Variants in TULP4 observed in about 807,000 individuals in gnomAD.
TULP4 encodes the protein TUB like protein 4, also known as tubby-related protein 4.
In TULP4, 16 loss-of-function variants were observed where a neutral mutation model predicts 129.0. That is an observed-to-expected ratio of 0.12 (90% CI 0.08 to 0.19). The LOEUF is 0.19. Among genes scored for constraint, TULP4 ranks in the 10% least tolerant of loss-of-function variants. The pLI, the probability that TULP4 is intolerant of heterozygous loss-of-function variation, is 1.00. For missense variants in TULP4, 1,842 were observed against 2,059.1 expected, an observed-to-expected ratio of 0.89 and a Z score of 2.04; for synonymous variants, 998 against 854.0, an observed-to-expected ratio of 1.17 and a Z score of -2.94.
chr6:158,345,941 A>G (rs1226187179), intron 1 of TULP4, among the ~76,000 whole-genome samples: 1 of 152,166 alleles, frequency 6.6e-6, no homozygotes, highest in African/African-American at 2.4e-5. Flanking sequence ...CAGGAATGCA[A>G]TCCTTTTCCC....
At chr6:158,489,806 G>T in intron 9 of TULP4, 74 bp downstream of exon 9, 3 of 1,568,488 alleles carry the variant, frequency 1.9e-6, no homozygotes, top group East Asian at 2.3e-5. Flanking sequence ...CAACAGAATC[G>T]CATTGAAACT....
At chr6:158,431,238 C>T (rs545915518) in intron 3 of TULP4, among the ~76,000 whole-genome samples, 1 of 152,212 alleles carries the variant, frequency 6.6e-6, no homozygotes, top group Admixed American at 6.5e-5. Flanking sequence ...CTGATCTTTC[C>T]TGTATCAGTT....
At chr6:158,357,664 C>T (rs1780679431) in intron 1 of TULP4, among the ~76,000 whole-genome samples, 1 of 152,180 alleles carries the variant, frequency 6.6e-6, no homozygotes, top group Non-Finnish European at 1.5e-5. Flanking sequence ...TGAAGTGTTC[C>T]TCTGATGCCG....
chr6:158,448,980 C>G lies in TULP4; in HGVS notation c.544-16C>G, dbSNP rs755126614. On this transcript the variant is annotated splice_polypyrimidine_tract_variant and intron_variant, in intron 3 of 13. Transcript: ENST00000367097. ...CTTGCTGCCACTTGGTCAGAGGTCC[C>G]CATCCTGGATTGCAGGTGCTGTTTG... is the stretch of plus-strand genomic sequence containing the variant. The G allele has an allele frequency of 6.3e-7, 1 of 1,593,456 alleles. No homozygotes were observed.
intron 2 of TULP4, among the ~76,000 whole-genome samples, chr6:158,426,805 T>C (rs1778505144): frequency 6.6e-6 from 1 of 152,232 alleles, no homozygotes; most frequent in Admixed American, 6.5e-5. Flanking sequence ...GTAAACTGTT[T>C]TGGGTAGTAT....
chr6:158,266,881 G>A (rs1428534354), intron 1 of TULP4, among the ~76,000 whole-genome samples: 4 of 152,216 alleles, frequency 2.6e-5, no homozygotes, highest in South Asian at 2.1e-4. Context: ...CGTTCCTGTT[G>A]GTGTACAGCC....
At chr6:158,296,390 G>A (rs940314136) in intron 1 of TULP4, among the ~76,000 whole-genome samples, 2 of 152,114 alleles carry the variant, frequency 1.3e-5, no homozygotes, top group African/African-American at 2.4e-5. Flanking sequence ...CTGGGCCGCC[G>A]GAGGTGACAT....
At chr6:158,264,607 C>T (rs1224031947) in intron 1 of TULP4, among the ~76,000 whole-genome samples, 1 of 152,098 alleles carries the variant, frequency 6.6e-6, no homozygotes, top group African/African-American at 2.4e-5. Context: ...GGACAAGTCC[C>T]TGACGCTACT....
intron 3 of TULP4, among the ~76,000 whole-genome samples, chr6:158,442,278 A>G (rs1015164400): frequency 6.6e-6 from 1 of 152,176 alleles, no homozygotes; most frequent in East Asian, 1.9e-4. Flanking sequence ...TACTATTTTC[A>G]TCATGTTTAG....
intron 1 of TULP4, among the ~76,000 whole-genome samples, chr6:158,299,309 T>C (rs1779094035): frequency 6.6e-6 from 1 of 152,214 alleles, no homozygotes; most frequent in African/African-American, 2.4e-5. Flanking sequence ...AGCCCTTTGG[T>C]GCCCAGTCTA....
At chr6:158,496,065 A>G (rs1370371692) in intron 11 of TULP4, among the ~76,000 whole-genome samples, 1 of 152,210 alleles carries the variant, frequency 6.6e-6, no homozygotes, top group Non-Finnish European at 1.5e-5. Context: ...CCCCAGAGAC[A>G]GTAATGACGT....
At position 158,372,575 on chromosome 6, in the gene TULP4, C is replaced by T. The variant is rs1219723317; in HGVS notation, c.253-40490C>T. On this transcript the variant is annotated intron_variant, in intron 1 of 13. Coordinates refer to ENST00000367097, the MANE Select transcript of TULP4 (RefSeq NM_020245.5). The stretch of plus-strand genomic sequence containing the variant: ...TAGTGTGAGATAATTGGAAAGGCCC[C>T]GGAGTGTTTCAGTAATGGTTGAGAA... Among the ~76,000 whole-genome samples the T allele has an allele frequency of 2.0e-5, 3 of 152,186 alleles. No individual in the cohort carries two copies. The East Asian group carries it at 5.8e-4, about 29-fold the overall frequency.
At chr6:158,246,820 G>A (rs1336504571) in intron 1 of TULP4, among the ~76,000 whole-genome samples, 1 of 152,200 alleles carries the variant, frequency 6.6e-6, no homozygotes, top group Admixed American at 6.5e-5. Context: ...ACTCACCCGT[G>A]AGATAAAGAG....
At chr6:158,504,705 G>C (rs1264299721) in intron 13 of TULP4, among the ~76,000 whole-genome samples, 2 of 151,578 alleles carry the variant, frequency 1.3e-5, no homozygotes, top group East Asian at 1.9e-4. Flanking sequence ...TGTCTAGATT[G>C]GTCTCAAACT....
In TULP4 at chr6:158,479,873, G is replaced by A. The variant is rs140551958; in HGVS notation, c.1149G>A (p.Gln383=). 42 of 1,613,786 alleles carry A rather than the reference G, an allele frequency of 2.6e-5. No individual in the cohort carries two copies. In the African/African-American group the frequency reaches 4.1e-4, roughly 16 times the overall value. ...RVSSLQLLCQ[Q]AIASTLREDK... ...CCAGCCTGCAGCTGCTGTGCCAGCA[G>A]GCCATCGCCAGCACCTTGCGTGAGG... The change falls in exon 7 of 14, where the codon CAG becomes CAA. Residue 383 remains glutamine, a synonymous_variant. Transcript: ENST00000367097.
At chr6:158,260,105 T>C (rs1778324547) in intron 1 of TULP4, among the ~76,000 whole-genome samples, 2 of 152,214 alleles carry the variant, frequency 1.3e-5, no homozygotes, top group Admixed American at 1.3e-4. Context: ...TCTAATCATA[T>C]GCTTGGTCTT....
At chr6:158,315,818 G>C (rs1779478454) in intron 1 of TULP4, among the ~76,000 whole-genome samples, 1 of 152,206 alleles carries the variant, frequency 6.6e-6, no homozygotes, top group African/African-American at 2.4e-5. Flanking sequence ...GAAGGGGCAA[G>C]GGAAGCTTCC....
intron 1 of TULP4, among the ~76,000 whole-genome samples, chr6:158,254,183 C>T (rs955882851): frequency 3.3e-5 from 5 of 152,078 alleles, no homozygotes; most frequent in Non-Finnish European, 7.4e-5. Context: ...TGCTCTGTGG[C>T]CCAGGCTGGA....
At position 158,242,430 on chromosome 6, in the gene TULP4, TA is replaced by T. The variant is rs1777941592; in HGVS notation, n.68+10128del. On this transcript the variant is annotated intron_variant and non_coding_transcript_variant, in intron 1 of 1. Coordinates refer to the TULP4 transcript ENST00000620026. ...GTGGGAGTTTCGGACGAGATCTCTT[TA>T]TGCCACTAAGCATTCATCATAGTGT... 6 of 1,121,166 alleles carry T rather than the reference TA, an allele frequency of 5.4e-6. No homozygotes were observed. The East Asian group carries it at 1.4e-4, about 26-fold the overall frequency. 69.5% of individuals were successfully genotyped at this position (1,121,166 alleles called of 1,614,324 possible). A position where few individuals can be genotyped will look rare whatever the true frequency, so the allele number is the denominator to read the frequency against.
Sources: allele counts gnomAD v4.1 joint callset (sites outside exome capture counted in the v4.1 genomes callset), GRCh38; gene constraint gnomAD v4.1.1; transcripts MANE v1.5; gene names NCBI Gene and HGNC (gene_info 2026-07-23, HGNC 2026-07-21).